Variants in DHX57 observed in about 807,000 individuals in gnomAD.
The protein encoded by DHX57 is putative ATP-dependent RNA helicase DHX57.
In DHX57, 105 loss-of-function variants were observed where a neutral mutation model predicts 156.2. The ratio of observed to expected loss-of-function variants is 0.67; its 90% CI spans 0.57 to 0.79. DHX57 has a LOEUF of 0.79. Ranked by LOEUF, DHX57 falls within the 30% of genes least tolerant of loss-of-function variation. The probability of loss-of-function intolerance (pLI) is 0.00; values close to 1 mark genes in which losing one functional copy is unlikely to be tolerated. For synonymous variants in DHX57, 704 were observed against 595.6 expected, an observed-to-expected ratio of 1.18 and a Z score of -2.65; for missense variants, 1,847 against 1,661.9, an observed-to-expected ratio of 1.11 and a Z score of -1.94.
At chr2:38,840,586 C>CAAAG (rs1671943277) in intron 12 of DHX57, among the ~76,000 whole-genome samples, 1 of 151,414 alleles carries the variant, frequency 6.6e-6, no homozygotes, top group Non-Finnish European at 1.5e-5. Context: ...AACAAACAAA[C>CAAAG]AAACAAAAAA....
chr2:38,836,701 G>T (rs955369767), intron 13 of DHX57, among the ~76,000 whole-genome samples: 1 of 149,394 alleles, frequency 6.7e-6, no homozygotes, highest in Non-Finnish European at 1.5e-5. Flanking sequence ...TTGAACCCAG[G>T]AGGAAGAGGT....
At chr2:38,810,839 C>T (rs1670207250) in intron 21 of DHX57, 1 of 740,934 alleles carries the variant, frequency 1.3e-6, no homozygotes, top group Non-Finnish European at 2.4e-6. Flanking sequence ...TTGCAGATAC[C>T]TCAGGACTTC....
rs2124963133 is a variant in DHX57 at position 38,875,890 on chromosome 2, G to C, written c.-110C>G. The C allele has an allele frequency of 2.5e-6, 1 of 396,180 alleles. No individual in the cohort carries two copies. Among genetic ancestry groups the C allele is most frequent in the African/African-American group, 2.1e-5 (1 of 48,720 alleles). The allele number at this position is 396,180 out of a possible 1,614,324, so 24.5% of individuals were successfully genotyped here. ...ACCCTCACGATTCTCACTTGGAGCA[G>C]CCCTGCGGTGGCCCAGCTGCAGCGG... is the stretch of plus-strand genomic sequence containing the variant. On this transcript the variant is annotated 5_prime_UTR_variant, in exon 1 of 24. Coordinates refer to ENST00000457308, the MANE Select transcript of DHX57 (RefSeq NM_198963.3).
chr2:38,816,170 T>C, intron 19 of DHX57: 2 of 471,152 alleles, frequency 4.2e-6, no homozygotes, highest in South Asian at 3.1e-5. Context: ...ATGGTCTTGC[T>C]GGCTCATCTC....
chr2:38,838,772 C>T, intron 12 of DHX57: 2 of 456,242 alleles, frequency 4.4e-6, no homozygotes, highest in Non-Finnish European at 8.8e-6. Flanking sequence ...GGTTGATCTT[C>T]CCTGAAAAAT....
At chr2:38,869,446 C>T (rs1387711778) in intron 1 of DHX57, among the ~76,000 whole-genome samples, 1 of 152,170 alleles carries the variant, frequency 6.6e-6, no homozygotes, top group African/African-American at 2.4e-5. Context: ...TAGGAAGTTC[C>T]TTTTTGGGAT....
rs376591686 is a variant in DHX57, at chr2:38,843,731, G to T, written c.2220-521C>A. ...AGACATCATGGCAAAGCAGAAAAAT[G>T]AATAGATTTGGAAACAAAAGCTCTG... On this transcript the variant is annotated intron_variant, in intron 11 of 23. Coordinates refer to ENST00000457308, the MANE Select transcript of DHX57 (RefSeq NM_198963.3). Among the ~76,000 whole-genome samples, 280 of 152,290 alleles carry T rather than the reference G, an allele frequency of 1.8e-3. 9 individuals carry two copies. The South Asian group carries it at 0.057, about 31-fold the overall frequency.
intron 1 of DHX57, among the ~76,000 whole-genome samples, chr2:38,873,910 C>G (rs189887688): frequency 2.0e-4 from 31 of 152,170 alleles, no homozygotes; most frequent in African/African-American, 7.5e-4. Context: ...AAGAAATTGA[C>G]AGAATGAGCC....
chr2:38,800,262 G>A (rs935192417), intron 23 of DHX57, among the ~76,000 whole-genome samples: 5 of 151,834 alleles, frequency 3.3e-5, no homozygotes, highest in African/African-American at 4.8e-5. Flanking sequence ...GCTGAGGCAG[G>A]AGAATTGCTT....
At chr2:38,872,390 TA>T (rs1441466107) in intron 1 of DHX57, among the ~76,000 whole-genome samples, 1 of 151,898 alleles carries the variant, frequency 6.6e-6, no homozygotes, top group Non-Finnish European at 1.5e-5. Flanking sequence ...ATATAGACAA[TA>T]AAAATAAATG....
Position 38,798,154 on chromosome 2 carries a change from T to C in DHX57, c.*145A>G, listed in dbSNP as rs1558345477. The C allele has an allele frequency of 1.8e-6, 2 of 1,086,668 alleles. No individual in the cohort carries two copies. The highest frequency in any genetic ancestry group is 1.6e-5 in the African/African-American group (1 of 63,450). 67.3% of individuals were successfully genotyped at this position (1,086,668 alleles called of 1,614,324 possible). ...GAAATGGCCCTAAGGGTATATACAC[T>C]GCCTCAGCTGCCTTGGGCTTCATGC... On this transcript the variant is annotated 3_prime_UTR_variant, in exon 24 of 24. Transcript: ENST00000457308.
intron 23 of DHX57, among the ~76,000 whole-genome samples, chr2:38,799,774 G>A (rs77830926): frequency 1.1e-4 from 17 of 148,238 alleles, no homozygotes; most frequent in African/African-American, 4.9e-5. Context: ...AAAAAAAGTG[G>A]GCCAGGCTCA....
At chr2:38,873,388 C>G (rs1665444272) in intron 1 of DHX57, among the ~76,000 whole-genome samples, 1 of 152,208 alleles carries the variant, frequency 6.6e-6, no homozygotes, top group South Asian at 2.1e-4. Context: ...ATTTGGGAAA[C>G]TCACAAATAT....
At chr2:38,833,547 G>C (rs1163273830) in intron 13 of DHX57, among the ~76,000 whole-genome samples, 1 of 152,170 alleles carries the variant, frequency 6.6e-6, no homozygotes, top group Non-Finnish European at 1.5e-5. Flanking sequence ...AAAGGATTTA[G>C]TTAAGAGAAG....
intron 22 of DHX57, among the ~76,000 whole-genome samples, chr2:38,804,190 C>A (rs1484176786): frequency 6.6e-6 from 1 of 152,086 alleles, no homozygotes; most frequent in Non-Finnish European, 1.5e-5. Context: ...TCAAGGTGAT[C>A]TTTTAAAAAC....
At chr2:38,845,056 G>C (rs903092589) in intron 11 of DHX57, among the ~76,000 whole-genome samples, 7 of 152,040 alleles carry the variant, frequency 4.6e-5, no homozygotes, top group Non-Finnish European at 8.8e-5. Context: ...AATTAGCCAG[G>C]CATGGTGGCA....
Position 38,858,653 on chromosome 2 carries a change from T to C in DHX57, c.1587+8A>G, listed in dbSNP as rs1345560825. ...GGCAACGTTACTCATTCTCTCAGCA[T>C]ACCCTACCTGTTTCATTCGGAACTG... On this transcript the variant is annotated splice_region_variant and intron_variant, in intron 6 of 23. Coordinates refer to ENST00000457308, the MANE Select transcript of DHX57 (RefSeq NM_198963.3). 2 of 1,610,842 alleles carry C rather than the reference T, an allele frequency of 1.2e-6. No homozygotes were observed. Among genetic ancestry groups the C allele is most frequent in the East Asian group, 2.2e-5 (1 of 44,696 alleles).
chr2:38,861,108 G>C lies in DHX57; in HGVS notation c.1302C>G (p.Asp434Glu). Residue 434 changes from aspartate to glutamate, a missense_variant, in exon 5 of 24, where the codon GAC (aspartate) becomes GAG (glutamate). Asp to Glu is a conservative substitution (Grantham distance 45). Coordinates refer to ENST00000457308, the MANE Select transcript of DHX57 (RefSeq NM_198963.3). ...GTACTGGCAGAAAGTTCACAGGAGG[G>C]TCACTATACTTGTGGTGGGTATTCG... ...LLTNTHHKYS[D>E]PPVNFLPVPS... is the part of the protein sequence containing the mutation. The C allele has an allele frequency of 5.6e-6, 9 of 1,614,206 alleles. No individual in the cohort carries two copies. Among genetic ancestry groups the C allele is most frequent in the Non-Finnish European group, 7.6e-6 (9 of 1,180,032 alleles).
rs144153416 is a variant in DHX57, at chr2:38,862,178, G to A, written c.539C>T (p.Thr180Ile). 2.0e-5 allele frequency: 33 copies of A among 1,610,450 alleles called. No individual in the cohort carries two copies. The African/African-American group carries it at 3.9e-4, about 19-fold the overall frequency. The change falls in exon 4 of 24, where the codon ACA becomes ATA. Residue 180 changes from threonine to isoleucine, a missense_variant. By Grantham distance (89) the Thr-to-Ile change is moderately conservative. Coordinates refer to ENST00000457308, the MANE Select transcript of DHX57 (RefSeq NM_198963.3). ...ASVEPYVPEF[T>I]VSPFAVQKLS... is the part of the protein sequence containing the mutation. ...TTTTTGCACTGCAAATGGGGAGACTGTAAATTCTGGAACATAAGGCTCCAC... is the reference window on the plus strand; with the variant it reads ...TTTTTGCACTGCAAATGGGGAGACTATAAATTCTGGAACATAAGGCTCCAC...
Sources: allele counts gnomAD v4.1 joint callset (sites outside exome capture counted in the v4.1 genomes callset), GRCh38; gene constraint gnomAD v4.1.1; transcripts MANE v1.5; gene names NCBI Gene and HGNC (gene_info 2026-07-23, HGNC 2026-07-21).